Variants in STXBP5L observed in about 807,000 individuals in gnomAD.
STXBP5L encodes the protein syntaxin binding protein 5L.
STXBP5L carries 65 observed loss-of-function variants against 144.5 expected under a neutral mutation model. The observed-to-expected ratio is 0.45, with a 90% CI of 0.37 to 0.55. The LOEUF is 0.55. Among genes scored for constraint, STXBP5L ranks in the 20% least tolerant of loss-of-function variants. The probability of loss-of-function intolerance (pLI) is 0.00; values close to 1 mark genes in which losing one functional copy is unlikely to be tolerated. For synonymous variants in STXBP5L, 505 were observed against 469.6 expected (o/e 1.08, Z -0.97); for missense variants, 1,298 against 1,405.5 (o/e 0.92, Z 1.22).
chr3:121,306,156 A>G (rs2043331412), intron 19 of STXBP5L, among the ~76,000 whole-genome samples: 1 of 152,202 alleles, frequency 6.6e-6, no homozygotes, highest in Non-Finnish European at 1.5e-5. Flanking sequence ...CATATAGCAA[A>G]TGAAGACATA....
chr3:121,296,977 T>C (rs13324292), intron 19 of STXBP5L, among the ~76,000 whole-genome samples: 15,101 of 152,120 alleles, frequency 0.099, 1,185 homozygotes, highest in Admixed American at 0.2. Context: ...TTAAGATGAA[T>C]TAAAACTATC....
In STXBP5L at chr3:121,209,589, C is replaced by G. The variant is rs189472420; in HGVS notation, c.956+3588C>G. Among the ~76,000 whole-genome samples the G allele has an allele frequency of 3.9e-3, 592 of 152,120 alleles. 2 individuals are homozygous for G. The highest frequency in any genetic ancestry group is 3.7e-3 in the Non-Finnish European group (250 of 68,002). Reference sequence around the variant, plus strand: ...TAATGCTATCCATCCCCTCTCCCCCCACCCCATGACAGGCCCCAGTGTGTG... The same window carrying G: ...TAATGCTATCCATCCCCTCTCCCCCGACCCCATGACAGGCCCCAGTGTGTG... On this transcript the variant is annotated intron_variant, in intron 10 of 26. Coordinates refer to ENST00000471454, the MANE Select transcript of STXBP5L (RefSeq NM_001308330.2).
intron 3 of STXBP5L, among the ~76,000 whole-genome samples, chr3:121,028,638 C>T (rs1231529204): frequency 6.6e-6 from 1 of 151,922 alleles, no homozygotes; most frequent in Admixed American, 6.6e-5. Context: ...TTATCATTTT[C>T]TTTGGAGATC....
At position 121,010,992 on chromosome 3, in the gene STXBP5L, G is replaced by C. The variant is rs147590185; in HGVS notation, c.288-30708G>C. On this transcript the variant is annotated intron_variant, in intron 3 of 26. Transcript: ENST00000471454. Reference sequence around the variant, plus strand: ...AAGGGCCGATTGTACTTATTGCTTTGGTGAAAGAAATATTATTTGGGTTCA... The same window carrying C: ...AAGGGCCGATTGTACTTATTGCTTTCGTGAAAGAAATATTATTTGGGTTCA... Among the ~76,000 whole-genome samples the C allele has an allele frequency of 4.8e-3, 721 of 150,566 alleles. 10 individuals carry two copies. The highest frequency in any genetic ancestry group is 0.016 in the African/African-American group (664 of 41,038).
At chr3:121,360,617 C>T (rs368903011) in intron 20 of STXBP5L, among the ~76,000 whole-genome samples, 7 of 152,042 alleles carry the variant, frequency 4.6e-5, no homozygotes, top group Middle Eastern at 3.4e-3. Flanking sequence ...TCTTATAACC[C>T]GCTATTTAAC....
chr3:120,968,427 G>A (rs765233034), intron 3 of STXBP5L, among the ~76,000 whole-genome samples: 16 of 152,004 alleles, frequency 1.1e-4, no homozygotes, highest in Non-Finnish European at 2.2e-4. Context: ...TACTGCTGCT[G>A]TATGTTGGCT....
intron 15 of STXBP5L, among the ~76,000 whole-genome samples, chr3:121,252,568 A>G (rs966145285): frequency 6.6e-6 from 1 of 152,200 alleles, no homozygotes; most frequent in African/African-American, 2.4e-5. Flanking sequence ...CACTGTAATC[A>G]AGGTCATATC....
At position 121,321,163 on chromosome 3, in the gene STXBP5L, C is replaced by T. The variant is rs1272787139; in HGVS notation, c.2176+2623C>T. Among the ~76,000 whole-genome samples the T allele has an allele frequency of 2.0e-5, 3 of 152,134 alleles. No homozygotes were observed. The East Asian group carries it at 5.8e-4, about 29-fold the overall frequency. Reference sequence around the variant, plus strand: ...TGTCACTTCAATACCTTACTTGATACTGGTCTACTAGACAGGTCCCACTCT... The same window carrying T: ...TGTCACTTCAATACCTTACTTGATATTGGTCTACTAGACAGGTCCCACTCT... On this transcript the variant is annotated intron_variant, in intron 20 of 26. Coordinates refer to ENST00000471454, the MANE Select transcript of STXBP5L (RefSeq NM_001308330.2).
At chr3:121,053,659 A>C (rs1302689472) in intron 5 of STXBP5L, among the ~76,000 whole-genome samples, 6 of 152,196 alleles carry the variant, frequency 3.9e-5, no homozygotes, top group African/African-American at 9.7e-5. Flanking sequence ...AGGCAATACC[A>C]TTCAGGACAT....
intron 5 of STXBP5L, among the ~76,000 whole-genome samples, chr3:121,087,043 A>C (rs1233199774): frequency 6.6e-6 from 1 of 152,062 alleles, no homozygotes; most frequent in Non-Finnish European, 1.5e-5. Flanking sequence ...TACTCAGAGA[A>C]AATATTTTAT....
At chr3:121,088,021 T>G (rs1454830135) in intron 5 of STXBP5L, among the ~76,000 whole-genome samples, 1 of 152,160 alleles carries the variant, frequency 6.6e-6, no homozygotes, top group African/African-American at 2.4e-5. Flanking sequence ...CACATCAGAC[T>G]ATGTTATTTC....
chr3:121,039,531 A>T (rs1284702397), intron 3 of STXBP5L, among the ~76,000 whole-genome samples: 1 of 151,840 alleles, frequency 6.6e-6, no homozygotes, highest in Non-Finnish European at 1.5e-5. Context: ...ATCATTTTAA[A>T]TGTTCTTTTT....
chr3:121,200,388 T>C (rs2048092762), intron 9 of STXBP5L, among the ~76,000 whole-genome samples: 1 of 152,156 alleles, frequency 6.6e-6, no homozygotes, highest in Non-Finnish European at 1.5e-5. Flanking sequence ...TCTTCATTAG[T>C]CTAGCTAGCA....
Position 121,297,239 on chromosome 3 carries a change from T to TGA in STXBP5L, c.2110+17284_2110+17285dup, listed in dbSNP as rs1553760478. On this transcript the variant is annotated intron_variant, in intron 19 of 26. Transcript: ENST00000471454. ...GTGTGTGTGTGTGTGTGTGTGTGTG[T>TGA]GATATTCCTGATATTAGTGATAATA... Among the ~76,000 whole-genome samples, 893 of 143,502 alleles carry TGA rather than the reference T, an allele frequency of 6.2e-3. 14 individuals are homozygous for TGA. Among genetic ancestry groups the TGA allele is most frequent in the African/African-American group, 0.021 (827 of 39,430 alleles). 94.1% of individuals were successfully genotyped at this position (143,502 alleles called of 152,430 possible). A position where few individuals can be genotyped will look rare whatever the true frequency, so the allele number is the denominator to read the frequency against.
At chr3:121,372,984 C>T (rs1164216596) in intron 20 of STXBP5L, among the ~76,000 whole-genome samples, 1 of 152,166 alleles carries the variant, frequency 6.6e-6, no homozygotes, top group Non-Finnish European at 1.5e-5. Context: ...ACCCAGAGAT[C>T]ACTGCTAGAA....
rs543643396 is a variant in STXBP5L at position 121,105,583 on chromosome 3, G to A, written c.471-9342G>A. 9.5e-4 allele frequency among the ~76,000 whole-genome samples: 144 copies of A among 152,158 alleles called. 1 individual carries two copies. In the Middle Eastern group the frequency reaches 0.01, roughly 11 times the overall value. On this transcript the variant is annotated intron_variant, in intron 5 of 26. Transcript: ENST00000471454. The stretch of plus-strand genomic sequence containing the variant: ...GCGTTGGCGTGGATGTGGTGAAAAG[G>A]AAACACTTCTACACTGTTGGTGGGA...
At chr3:121,007,660 C>G (rs866658119) in intron 3 of STXBP5L, among the ~76,000 whole-genome samples, 1 of 151,904 alleles carries the variant, frequency 6.6e-6, no homozygotes, top group South Asian at 2.1e-4. Flanking sequence ...GGATATTATT[C>G]ACTAGTACTT....
intron 9 of STXBP5L, among the ~76,000 whole-genome samples, chr3:121,175,341 G>C (rs2046891585): frequency 6.6e-6 from 1 of 151,990 alleles, no homozygotes; most frequent in Non-Finnish European, 1.5e-5. Context: ...CTAGATTAAT[G>C]CTAACACCCA....
rs1180027909 is a variant in STXBP5L at position 121,121,700 on chromosome 3, G to A, written c.665G>A (p.Gly222Asp). The A allele has an allele frequency of 2.5e-6, 4 of 1,594,250 alleles. No individual in the cohort carries two copies. Among genetic ancestry groups the A allele is most frequent in the Non-Finnish European group, 3.4e-6 (4 of 1,165,028 alleles). The change falls in exon 7 of 27, where the codon GGC becomes GAC. Residue 222 changes from glycine to aspartate, a missense_variant. Coordinates refer to ENST00000471454, the MANE Select transcript of STXBP5L (RefSeq NM_001308330.2). ...TTAAGCGATAGCCCAAGAGATGAAGGCAAAGTGAGTATTATGATATCTTTA... is the reference window on the plus strand; with the variant it reads ...TTAAGCGATAGCCCAAGAGATGAAGACAAAGTGAGTATTATGATATCTTTA... ...VHLSDSPRDE[G>D]KLLIGYENGT...
Sources: allele counts gnomAD v4.1 joint callset (sites outside exome capture counted in the v4.1 genomes callset), GRCh38; gene constraint gnomAD v4.1.1; transcripts MANE v1.5; gene names NCBI Gene and HGNC (gene_info 2026-07-23, HGNC 2026-07-21).